Variants in LNX1 observed in about 807,000 individuals in gnomAD.
LNX1 encodes the protein ligand of numb-protein X 1, also known as E3 ubiquitin-protein ligase LNX.
A neutral mutation model predicts 68.4 loss-of-function variants in LNX1; 54 were observed. That is an observed-to-expected ratio of 0.79 (90% CI 0.63 to 0.99). The LOEUF (loss-of-function observed/expected upper bound fraction) is 0.99. Ranked by LOEUF, LNX1 falls within the 50% of genes least tolerant of loss-of-function variation. The pLI, the probability that LNX1 is intolerant of heterozygous loss-of-function variation, is 0.00. For missense variants in LNX1, 906 were observed against 926.4 expected, an observed-to-expected ratio of 0.98 and a Z score of 0.29; for synonymous variants, 336 against 350.0, an observed-to-expected ratio of 0.96 and a Z score of 0.45.
intron 9 of LNX1, among the ~76,000 whole-genome samples, chr4:53,470,921 T>C (rs1249352585): frequency 6.6e-6 from 1 of 151,924 alleles, no homozygotes; most frequent in Non-Finnish European, 1.5e-5. Context: ...CTGCCCAAGG[T>C]AATTTATAGA....
intron 2 of LNX1, among the ~76,000 whole-genome samples, chr4:53,510,894 C>G (rs6851386): frequency 0.96 from 146,173 of 152,300 alleles, 70,439 homozygotes; most frequent in East Asian, 1. Flanking sequence ...GTAAAAGAAA[C>G]TGGCACCTTT....
intron 2 of LNX1, among the ~76,000 whole-genome samples, chr4:53,530,015 C>T (rs909253856): frequency 2.0e-5 from 3 of 152,182 alleles, no homozygotes; most frequent in African/African-American, 7.2e-5. Context: ...ACACTTTCTA[C>T]CATTTAAAGA....
chr4:53,490,133 T>C (rs1247440901), intron 6 of LNX1, among the ~76,000 whole-genome samples: 1 of 20,534 alleles, frequency 4.9e-5, no homozygotes, highest in African/African-American at 6.3e-5. Context: ...TATTGATTCA[T>C]ATAAGGAAAA....
chr4:53,565,588 C>T (rs1198213538), intron 2 of LNX1, among the ~76,000 whole-genome samples: 11 of 152,040 alleles, frequency 7.2e-5, no homozygotes, highest in Non-Finnish European at 1.2e-4. Context: ...AAAATCAGAG[C>T]GCCTCTCCTC....
At chr4:53,552,327 C>T (rs904628478) in intron 2 of LNX1, among the ~76,000 whole-genome samples, 1 of 152,164 alleles carries the variant, frequency 6.6e-6, no homozygotes, top group African/African-American at 2.4e-5. Context: ...CAGGCAAGAG[C>T]AGGTCACACC....
rs769181910 is a variant in LNX1 at position 53,459,888 on chromosome 4, G to C, written c.*1019C>G. 1 of 232,166 alleles carries C rather than the reference G, an allele frequency of 4.3e-6. No homozygotes were observed. Among genetic ancestry groups the C allele is most frequent in the Non-Finnish European group, 8.5e-6 (1 of 117,490 alleles). 14.4% of individuals were successfully genotyped at this position (232,166 alleles called of 1,614,324 possible). A position where few individuals can be genotyped will look rare whatever the true frequency, so the allele number is the denominator to read the frequency against. On this transcript the variant is annotated 3_prime_UTR_variant, in exon 11 of 11. Coordinates refer to ENST00000263925, the MANE Select transcript of LNX1 (RefSeq NM_001126328.3). ...AAAACTAGTCTTTATCATTACTGCTGTGACACTCTTGCTTAGTATATTAAG... is the reference window on the plus strand; with the variant it reads ...AAAACTAGTCTTTATCATTACTGCTCTGACACTCTTGCTTAGTATATTAAG...
chr4:53,624,253 A>C (rs561386347), intron 1 of LNX1, among the ~76,000 whole-genome samples: 1 of 152,236 alleles, frequency 6.6e-6, no homozygotes, highest in African/African-American at 2.4e-5. Context: ...TCTCACCTTG[A>C]ATTGCAGCTC....
chr4:53,464,779 G>A (rs1034191773), intron 9 of LNX1, among the ~76,000 whole-genome samples: 3 of 152,096 alleles, frequency 2.0e-5, no homozygotes, highest in Non-Finnish European at 1.5e-5. Context: ...AGATTTTAAA[G>A]CAATTTTAGT....
At chr4:53,573,118 C>A (rs576663899) in intron 2 of LNX1, among the ~76,000 whole-genome samples, 9 of 152,242 alleles carry the variant, frequency 5.9e-5, no homozygotes, top group African/African-American at 2.2e-4. Flanking sequence ...AAAACATACA[C>A]ACATGAGATG....
chr4:53,637,418 C>T (rs1025143977), intron 1 of LNX1, among the ~76,000 whole-genome samples: 22 of 151,794 alleles, frequency 1.4e-4, no homozygotes, highest in Admixed American at 3.9e-4. Context: ...TTAGTAATGT[C>T]AAAAGTAAAA....
Position 53,600,895 on chromosome 4 carries a change from T to A in LNX1, c.-214-9380A>T, listed in dbSNP as rs1732974463. Among the ~76,000 whole-genome samples the A allele has an allele frequency of 2.7e-5, 4 of 146,972 alleles. No individual in the cohort carries two copies. The South Asian group carries it at 9.3e-4, about 34-fold the overall frequency. On this transcript the variant is annotated intron_variant, in intron 2 of 3. Coordinates refer to the LNX1 transcript ENST00000504299. ...ACAGGTGCCCACCACCACACCTGGCTAATGAAACCCCATCTCTACTAAAAA... is the reference window on the plus strand; with the variant it reads ...ACAGGTGCCCACCACCACACCTGGCAAATGAAACCCCATCTCTACTAAAAA...
chr4:53,514,615 A>G (rs1165326831), intron 2 of LNX1, among the ~76,000 whole-genome samples: 2 of 151,940 alleles, frequency 1.3e-5, no homozygotes, highest in Admixed American at 1.3e-4. Context: ...CTCCCACAAC[A>G]TGTGGGAATT....
At chr4:53,555,221 G>T (rs190723000) in intron 2 of LNX1, among the ~76,000 whole-genome samples, 1 of 152,098 alleles carries the variant, frequency 6.6e-6, no homozygotes, top group Non-Finnish European at 1.5e-5. Flanking sequence ...GCTCCCAAGC[G>T]TGCTAAACTG....
intron 2 of LNX1, among the ~76,000 whole-genome samples, chr4:53,601,167 T>A (rs997648710): frequency 1.3e-5 from 2 of 151,992 alleles, no homozygotes; most frequent in African/African-American, 4.8e-5. Context: ...TATATTCCAC[T>A]CAGTTTTATG....
At chr4:53,590,325 T>C (rs1033100973) in intron 1 of LNX1, among the ~76,000 whole-genome samples, 1 of 152,202 alleles carries the variant, frequency 6.6e-6, no homozygotes, top group African/African-American at 2.4e-5. Flanking sequence ...AACAGATTAT[T>C]CCCTTGCAAA....
intron 2 of LNX1, among the ~76,000 whole-genome samples, chr4:53,525,093 G>A (rs1480120187): frequency 6.6e-6 from 1 of 152,146 alleles, no homozygotes; most frequent in African/African-American, 2.4e-5. Flanking sequence ...AGGGCCTCAC[G>A]TGTATCATGC....
intron 1 of LNX1, among the ~76,000 whole-genome samples, chr4:53,633,780 A>C (rs192642898): frequency 8.7e-4 from 132 of 152,288 alleles, no homozygotes; most frequent in Admixed American, 1.6e-3. Flanking sequence ...TGATTGCCAC[A>C]GTCAGGCACT....
At chr4:53,650,597 G>A (rs181847536) in intron 1 of LNX1, among the ~76,000 whole-genome samples, 45 of 152,098 alleles carry the variant, frequency 3.0e-4, no homozygotes, top group Non-Finnish European at 4.9e-4. Context: ...AAATAGATAC[G>A]TAAATAGAGG....
At chr4:53,510,232 G>A (rs1199880198) in intron 2 of LNX1, among the ~76,000 whole-genome samples, 3 of 152,194 alleles carry the variant, frequency 2.0e-5, no homozygotes, top group Admixed American at 6.5e-5. Flanking sequence ...AGCCACAAGA[G>A]TCTAGTTCAC....
Sources: allele counts gnomAD v4.1 joint callset (sites outside exome capture counted in the v4.1 genomes callset), GRCh38; gene constraint gnomAD v4.1.1; transcripts MANE v1.5; gene names NCBI Gene and HGNC (gene_info 2026-07-23, HGNC 2026-07-21).